The following PBX4 variants were observed in gnomAD, a reference collection of about 807,000 sequenced individuals.
PBX4 encodes the protein pre-B-cell leukemia transcription factor 4.
A neutral mutation model predicts 35.1 loss-of-function variants in PBX4; 26 were observed. The observed-to-expected ratio is 0.74, with a 90% CI of 0.54 to 1.03. PBX4 has a LOEUF of 1.03. Among genes scored for constraint, PBX4 ranks in the 50% least tolerant of loss-of-function variants. The probability of loss-of-function intolerance (pLI) is 0.00; values close to 1 mark genes in which losing one functional copy is unlikely to be tolerated. For synonymous variants in PBX4, 199 were observed against 204.2 expected (o/e 0.97, Z 0.22); for missense variants, 448 against 504.3 (o/e 0.89, Z 1.07).
At chr19:19,613,314 CAA>C (rs77776930) in intron 1 of PBX4, among the ~76,000 whole-genome samples, 5,893 of 150,868 alleles carry the variant, frequency 0.039, 183 homozygotes, top group Non-Finnish European at 0.053. Flanking sequence ...AAAAAAATAC[CAA>C]AATTAGCCGG....
At chr19:19,611,678 CAAAA>C (rs1344348105) in intron 1 of PBX4, among the ~76,000 whole-genome samples, 3 of 53,652 alleles carry the variant, frequency 5.6e-5, no homozygotes, top group East Asian at 5.5e-4. Context: ...GATTCTGTCT[CAAAA>C]AAAAAAAAAA....
chr19:19,583,291 C>G (rs2061467331), intron 2 of PBX4, among the ~76,000 whole-genome samples: 1 of 148,130 alleles, frequency 6.8e-6, no homozygotes, highest in Non-Finnish European at 1.5e-5. Flanking sequence ...AAAAACAAAA[C>G]AAAACAAAAC....
chr19:19,588,352 A>G, intron 2 of PBX4: 1 of 1,265,504 alleles, frequency 7.9e-7, no homozygotes. Context: ...TTTTTCACAC[A>G]GTCATCTGAT....
chr19:19,577,269 C>G (rs1459500778), intron 2 of PBX4, among the ~76,000 whole-genome samples: 1 of 151,610 alleles, frequency 6.6e-6, no homozygotes, highest in African/African-American at 2.4e-5. Context: ...ATGGGGTATG[C>G]ATTGTACAGC....
chr19:19,594,406 A>T (rs2061548691), intron 2 of PBX4, among the ~76,000 whole-genome samples: 1 of 152,052 alleles, frequency 6.6e-6, no homozygotes, highest in Non-Finnish European at 1.5e-5. Context: ...AAAAAAAAAA[A>T]AAAAAGAGTC....
chr19:19,607,158 A>G (rs1040195435), intron 1 of PBX4, among the ~76,000 whole-genome samples: 1 of 152,094 alleles, frequency 6.6e-6, no homozygotes, highest in African/African-American at 2.4e-5. Context: ...GGTTCAAGCG[A>G]TTCTTGTGCC....
At chr19:19,603,699 G>A (rs1013360751) in intron 1 of PBX4, among the ~76,000 whole-genome samples, 1 of 152,214 alleles carries the variant, frequency 6.6e-6, no homozygotes, top group Non-Finnish European at 1.5e-5. Flanking sequence ...GCTCACGCCT[G>A]TAATCCCAGT....
chr19:19,561,956 C>A lies in PBX4; in HGVS notation c.*69G>T. The stretch of plus-strand genomic sequence containing the variant: ...TTTCTGAGGTCGTCGGCGGCACGTT[C>A]AGTAACAAAGCAACGGCTGGCGATA... On this transcript the variant is annotated 3_prime_UTR_variant, in exon 8 of 8. Transcript: ENST00000251203. 7.2e-7 allele frequency: 1 copy of A among 1,394,196 alleles called. No homozygotes were observed. Among genetic ancestry groups the A allele is most frequent in the East Asian group, 2.6e-5 (1 of 38,768 alleles). 86.4% of individuals were successfully genotyped at this position (1,394,196 alleles called of 1,614,324 possible).
chr19:19,565,665 C>T (rs192782282), intron 5 of PBX4, among the ~76,000 whole-genome samples: 3 of 152,222 alleles, frequency 2.0e-5, no homozygotes, highest in Admixed American at 2.0e-4. Context: ...CGCCTGTAAT[C>T]TCAGCACTTT....
At chr19:19,609,749 G>C (rs1376776421) in intron 1 of PBX4, among the ~76,000 whole-genome samples, 1 of 152,080 alleles carries the variant, frequency 6.6e-6, no homozygotes, top group Non-Finnish European at 1.5e-5. Flanking sequence ...TACTCGGGAG[G>C]CTGAGGCAGG....
chr19:19,569,597 C>A lies in PBX4; in HGVS notation c.633-13G>T. ...CCGCCGCTTGCGCCTGCAAAAACAG[C>A]CGCCTTCGTAGGCATTAATATGCTG... On this transcript the variant is annotated splice_polypyrimidine_tract_variant and intron_variant, in intron 4 of 7. Coordinates refer to ENST00000251203, the MANE Select transcript of PBX4 (RefSeq NM_025245.3). 1 of 1,612,258 alleles carries A rather than the reference C, an allele frequency of 6.2e-7. No individual in the cohort carries two copies. The highest frequency in any genetic ancestry group is 1.1e-5 in the South Asian group (1 of 90,826).
At chr19:19,610,231 T>C (rs898646502) in intron 1 of PBX4, among the ~76,000 whole-genome samples, 3 of 151,980 alleles carry the variant, frequency 2.0e-5, no homozygotes, top group Non-Finnish European at 4.4e-5. Flanking sequence ...CTGAACAACA[T>C]GGAGAAACCT....
At position 19,586,249 on chromosome 19, in the gene PBX4, T is replaced by C. The variant is rs528381452; in HGVS notation, c.193+13043A>G. Among the ~76,000 whole-genome samples, 41 of 151,928 alleles carry C rather than the reference T, an allele frequency of 2.7e-4. 1 individual carries two copies. Among genetic ancestry groups the C allele is most frequent in the Admixed American group, 6.6e-4 (10 of 15,238 alleles). On this transcript the variant is annotated intron_variant, in intron 2 of 7. Transcript: ENST00000251203. ...GGCAACACAGCAAGACCCCCATCTA[T>C]AAAAAGTACAAAAATTAGCCGGATA...
intron 2 of PBX4, among the ~76,000 whole-genome samples, chr19:19,577,556 GC>G (rs1257945341): frequency 6.6e-6 from 1 of 152,130 alleles, no homozygotes; most frequent in Non-Finnish European, 1.5e-5. Flanking sequence ...GATGTGATAA[GC>G]CTTATTTCTT....
At chr19:19,600,765 T>C (rs1197379384) in intron 1 of PBX4, among the ~76,000 whole-genome samples, 1 of 138,556 alleles carries the variant, frequency 7.2e-6, no homozygotes, top group African/African-American at 2.7e-5. Context: ...TGCAGTGAGC[T>C]GAGATCGCAC....
chr19:19,578,347 C>T (rs2061433195), intron 2 of PBX4, among the ~76,000 whole-genome samples: 1 of 152,198 alleles, frequency 6.6e-6, no homozygotes, highest in African/African-American at 2.4e-5. Context: ...GTGGTGCCTA[C>T]AACAGCTTCC....
chr19:19,570,118 A>G lies in PBX4; in HGVS notation c.623T>C (p.Leu208Pro). The change falls in exon 4 of 8, where the codon CTC (leucine) becomes CCC (proline). Residue 208 changes from leucine to proline, a missense_variant. Physicochemically the swap from Leu to Pro is moderately conservative, Grantham distance 98. Transcript: ENST00000251203. ...EAVMTLRSRL[L>P]DARRKRRNFS... ...ACGTACAGGCCCTGACCTGGCATCGAGCAGCCGCGAACGCAGGGTCATCAC... is the reference window on the plus strand; with the variant it reads ...ACGTACAGGCCCTGACCTGGCATCGGGCAGCCGCGAACGCAGGGTCATCAC... 1 of 1,603,262 alleles carries G rather than the reference A, an allele frequency of 6.2e-7. No individual in the cohort carries two copies. The highest frequency in any genetic ancestry group is 1.1e-5 in the South Asian group (1 of 89,884).
chr19:19,585,635 AAAG>A (rs994421008), intron 2 of PBX4, among the ~76,000 whole-genome samples: 18 of 152,224 alleles, frequency 1.2e-4, no homozygotes, highest in African/African-American at 4.3e-4. Context: ...AAGATCCACA[AAAG>A]AAGTGAAAAT....
At chr19:19,584,609 A>G (rs893488614) in intron 2 of PBX4, among the ~76,000 whole-genome samples, 10 of 149,988 alleles carry the variant, frequency 6.7e-5, no homozygotes, top group Non-Finnish European at 1.5e-4. Context: ...GTGGTCTGAC[A>G]TGACCAAGGG....
Sources: allele counts gnomAD v4.1 joint callset (sites outside exome capture counted in the v4.1 genomes callset), GRCh38; gene constraint gnomAD v4.1.1; transcripts MANE v1.5; gene names NCBI Gene and HGNC (gene_info 2026-07-23, HGNC 2026-07-21).